Variants in LENG8 observed in about 807,000 individuals in gnomAD.
LENG8 encodes leukocyte receptor cluster member 8.
In LENG8, 28 loss-of-function variants were observed where a neutral mutation model predicts 102.1. That is an observed-to-expected ratio of 0.27 (90% CI 0.20 to 0.38). The LOEUF (loss-of-function observed/expected upper bound fraction) is 0.38, where lower values mean the gene tolerates loss of function less well. Ranked by LOEUF, LENG8 falls within the 10% of genes least tolerant of loss-of-function variation. LENG8 has a pLI of 1.00. For synonymous variants in LENG8, 531 were observed against 456.7 expected (o/e 1.16, Z -2.07); for missense variants, 1,022 against 1,113.9 (o/e 0.92, Z 1.17).
intron 15 of LENG8, chr19:54,460,289 C>T (rs2084463469): frequency 1.6e-6 from 2 of 1,260,600 alleles, no homozygotes; most frequent in Admixed American, 2.4e-5. Flanking sequence ...TGTGTTTTAG[C>T]AGCAGCCGGA....
rs534748593 is a variant in LENG8, at chr19:54,457,848, G to A, written c.1833G>A (p.Thr611=). 2.0e-5 allele frequency: 33 copies of A among 1,613,848 alleles called. No individual in the cohort carries two copies. The East Asian group carries it at 5.8e-4, about 28-fold the overall frequency. Reference sequence around the variant, plus strand: ...TGAAGTCGATCCGGCAGGATCTGACGGTGAGACTCGCGCTGGGAGGGGCCT... The same window carrying A: ...TGAAGTCGATCCGGCAGGATCTGACAGTGAGACTCGCGCTGGGAGGGGCCT... ...EQMKSIRQDL[T]VQGIRTEFTV... is the part of the protein sequence containing the mutation. The change falls in exon 12 of 16, where the codon ACG becomes ACA. Residue 611 remains threonine (T), a splice_region_variant and synonymous_variant. Coordinates refer to ENST00000326764, the MANE Select transcript of LENG8 (RefSeq NM_052925.4).
rs549156913 is a variant in LENG8 at position 54,461,453 on chromosome 19, A to G, written c.*525A>G. 2 of 461,514 alleles carry G rather than the reference A, an allele frequency of 4.3e-6. No homozygotes were observed. Among genetic ancestry groups the G allele is most frequent in the Non-Finnish European group, 8.8e-6 (2 of 226,758 alleles). 28.6% of individuals were successfully genotyped at this position (461,514 alleles called of 1,614,324 possible). A position where few individuals can be genotyped will look rare whatever the true frequency, so the allele number is the denominator to read the frequency against. On this transcript the variant is annotated 3_prime_UTR_variant, in exon 16 of 16. Coordinates refer to ENST00000326764, the MANE Select transcript of LENG8 (RefSeq NM_052925.4). The stretch of plus-strand genomic sequence containing the variant: ...CGTGTTTGGGGTGGGGGAGCTGCTT[A>G]GAGACTGTGCCCGTCCTCGGCCCCC...
At chr19:54,460,590 C>CA in intron 15 of LENG8, 176 bp from the exon 16 acceptor site, 1 of 1,414,626 alleles carries the variant, frequency 7.1e-7, no homozygotes, top group Non-Finnish European at 9.2e-7. Context: ...CACTAACCCC[C>CA]CCCGGGCCCC....
intron 15 of LENG8, 48 bp from the exon 16 acceptor site, chr19:54,460,718 T>TTGGG: frequency 1.2e-5 from 13 of 1,047,892 alleles, no homozygotes; most frequent in East Asian, 4.2e-5. Flanking sequence ...GGCCCTCCCC[T>TTGGG]GCCCTCCCGC....
At chr19:54,457,302 G>A (rs1430976034) in intron 11 of LENG8, among the ~76,000 whole-genome samples, 14 of 152,244 alleles carry the variant, frequency 9.2e-5, no homozygotes, top group Admixed American at 1.3e-4. Flanking sequence ...ATAGGGAAAT[G>A]GGTGTGGAGG....
At chr19:54,460,223 G>A (rs915043445) in intron 15 of LENG8, 3 of 1,288,720 alleles carry the variant, frequency 2.3e-6, no homozygotes, top group Non-Finnish European at 3.0e-6. Context: ...GCACCCTGTG[G>A]AAGAGGGTTC....
In LENG8 at chr19:54,460,968, C is replaced by G. The variant is rs576521045; in HGVS notation, c.*40C>G. The G allele has an allele frequency of 9.9e-5, 152 of 1,537,294 alleles. No individual in the cohort carries two copies. In the Middle Eastern group the frequency reaches 1.7e-3, roughly 18 times the overall value. On this transcript the variant is annotated 3_prime_UTR_variant, in exon 16 of 16. Transcript: ENST00000326764. ...GGGGCGGGGGCAGGGGCTGCAGCCC[C>G]CAGCGCTGCCTTTGCGGATTCTGTT...
Position 54,461,052 on chromosome 19 carries a change from C to A in LENG8, c.*124C>A. On this transcript the variant is annotated 3_prime_UTR_variant, in exon 16 of 16. Coordinates refer to ENST00000326764, the MANE Select transcript of LENG8 (RefSeq NM_052925.4). ...GTGGGGAGTGCGCTCCAGGAAGAGCCACCATCCCTGCCCCCGTTTTCCCAC... is the reference window on the plus strand; with the variant it reads ...GTGGGGAGTGCGCTCCAGGAAGAGCAACCATCCCTGCCCCCGTTTTCCCAC... 1 of 1,380,252 alleles carries A rather than the reference C, an allele frequency of 7.2e-7. No homozygotes were observed. The highest frequency in any genetic ancestry group is 9.9e-7 in the Non-Finnish European group (1 of 1,013,646). The allele number at this position is 1,380,252 out of a possible 1,614,324, so 85.5% of individuals were successfully genotyped here.
chr19:54,456,895 G>A lies in LENG8; in HGVS notation c.1705G>A (p.Asp569Asn), dbSNP rs1347562281. 4.4e-6 allele frequency: 7 copies of A among 1,608,576 alleles called. No individual in the cohort carries two copies. The highest frequency in any genetic ancestry group is 5.9e-6 in the Non-Finnish European group (7 of 1,179,742). ...CTACCTGCGCCTCACCTGTGCCCCC[G>A]ACCCGTCCACCGTGCGCCCTGTGGC... ...KHYLRLTCAP[D>N]PSTVRPVAVL... The change falls in exon 11 of 16, where the codon GAC becomes AAC. Residue 569 changes from aspartate to asparagine, a missense_variant. This residue lies in a region of LENG8 where 158 missense variants were observed against 229.0 expected (regional missense o/e 0.69). Transcript: ENST00000326764.
At chr19:54,455,239 C>T in intron 7 of LENG8, 125 bp from the exon 8 acceptor site, 1 of 1,477,132 alleles carries the variant, frequency 6.8e-7, no homozygotes, top group East Asian at 2.3e-5. Flanking sequence ...TTGCTGTGAG[C>T]ACTGAAGGAG....
Position 54,461,058 on chromosome 19 carries a change from C to T in LENG8, c.*130C>T. On this transcript the variant is annotated 3_prime_UTR_variant, in exon 16 of 16. Transcript: ENST00000326764. ...AGTGCGCTCCAGGAAGAGCCACCAT[C>T]CCTGCCCCCGTTTTCCCACCGGGGA... is the stretch of plus-strand genomic sequence containing the variant. The T allele has an allele frequency of 7.4e-7, 1 of 1,350,450 alleles. No individual in the cohort carries two copies. The highest frequency in any genetic ancestry group is 2.1e-5 in the Admixed American group (1 of 47,322). The allele number at this position is 1,350,450 out of a possible 1,614,324, so 83.7% of individuals were successfully genotyped here. A position where few individuals can be genotyped will look rare whatever the true frequency, so the allele number is the denominator to read the frequency against.
In LENG8 at chr19:54,451,353, C is replaced by T. The variant is rs774949239; in HGVS notation, c.9C>T (p.Ala3=). 14 of 1,614,212 alleles carry T rather than the reference C, an allele frequency of 8.7e-6. No homozygotes were observed. The highest frequency in any genetic ancestry group is 1.3e-5 in the African/African-American group (1 of 75,054). MA[A]NVGDQRSTDW... Reference sequence around the variant, plus strand: ...TATACCCCAAGGTCCAGATGGCGGCCAACGTGGGTGATCAACGTAGCACAG... The same window carrying T: ...TATACCCCAAGGTCCAGATGGCGGCTAACGTGGGTGATCAACGTAGCACAG... The change falls in exon 2 of 16, where the codon GCC becomes GCT. Residue 3 remains alanine, a synonymous_variant. Coordinates refer to ENST00000326764, the MANE Select transcript of LENG8 (RefSeq NM_052925.4).
In LENG8 at chr19:54,460,596, G is replaced by GC. The variant is rs930190264; in HGVS notation, c.2241-162dup. The GC allele has an allele frequency of 6.5e-4, 905 of 1,385,472 alleles. 3 individuals are homozygous for GC. Among genetic ancestry groups the GC allele is most frequent in the South Asian group, 4.9e-3 (315 of 64,836 alleles). 85.8% of individuals were successfully genotyped at this position (1,385,472 alleles called of 1,614,324 possible). Reference sequence around the variant, plus strand: ...GACTGGGGTCACTAACCCCCCCCGGGCCCCCCCCGAGCCCCTGAGGTGGGG... The same window carrying GC: ...GACTGGGGTCACTAACCCCCCCCGGGCCCCCCCCCGAGCCCCTGAGGTGGGG... On this transcript the variant is annotated intron_variant, in intron 15 of 15. Coordinates refer to ENST00000326764, the MANE Select transcript of LENG8 (RefSeq NM_052925.4).
At chr19:54,457,616 C>T (rs957758693) in intron 11 of LENG8, 131 bp from the exon 12 acceptor site, 20 of 707,204 alleles carry the variant, frequency 2.8e-5, no homozygotes, top group Admixed American at 2.1e-5. Context: ...GCTGGGATTA[C>T]AGGCGTGAGC....
chr19:54,461,197 C>T lies in LENG8; in HGVS notation c.*269C>T, dbSNP rs1287128486. 10 of 671,130 alleles carry T rather than the reference C, an allele frequency of 1.5e-5. No homozygotes were observed. The highest frequency in any genetic ancestry group is 9.0e-5 in the South Asian group (6 of 66,358). 41.6% of individuals were successfully genotyped at this position (671,130 alleles called of 1,614,324 possible). On this transcript the variant is annotated 3_prime_UTR_variant, in exon 16 of 16. Coordinates refer to ENST00000326764, the MANE Select transcript of LENG8 (RefSeq NM_052925.4). ...CATGGTCTGCAGGCTCATCTGTGTCCGCCTTTCACTCCACTAATGCTGTCT... is the reference window on the plus strand; with the variant it reads ...CATGGTCTGCAGGCTCATCTGTGTCTGCCTTTCACTCCACTAATGCTGTCT...
Position 54,454,703 on chromosome 19 carries a change from G to T in LENG8, c.679+21G>T, listed in dbSNP as rs767546850. 5.1e-6 allele frequency: 8 copies of T among 1,574,700 alleles called. No individual in the cohort carries two copies. The African/African-American group carries it at 8.1e-5, about 16-fold the overall frequency. The stretch of plus-strand genomic sequence containing the variant: ...GAAACGTAAGTTGGCAGAGCTACGT[G>T]GAGGTCCGAGCGGTTGGGCCCTCAT... On this transcript the variant is annotated intron_variant, in intron 6 of 15. Coordinates refer to ENST00000326764, the MANE Select transcript of LENG8 (RefSeq NM_052925.4).
At position 54,460,950 on chromosome 19, in the gene LENG8, G is replaced by C. The variant is rs1217624859; in HGVS notation, c.*22G>C. 1 of 1,540,396 alleles carries C rather than the reference G, an allele frequency of 6.5e-7. No individual in the cohort carries two copies. ...CTGAGCACCCAGCGAGGAGGGGCGGGGGCAGGGGCTGCAGCCCCCAGCGCT... is the reference window on the plus strand; with the variant it reads ...CTGAGCACCCAGCGAGGAGGGGCGGCGGCAGGGGCTGCAGCCCCCAGCGCT... On this transcript the variant is annotated 3_prime_UTR_variant, in exon 16 of 16. Transcript: ENST00000326764.
At chr19:54,460,719 G>GGGGCCGC in intron 15 of LENG8, 47 bp from the exon 16 acceptor site, 1 of 778,918 alleles carries the variant, frequency 1.3e-6, no homozygotes, top group Non-Finnish European at 1.8e-6. Flanking sequence ...GCCCTCCCCT[G>GGGGCCGC]CCCTCCCGCC....
rs577399483 is a variant in LENG8 at position 54,456,099 on chromosome 19, G to A, written c.1158G>A (p.Gly386=). Residue 386 remains glycine, a synonymous_variant, in exon 9 of 16, where the codon GGG becomes GGA. Transcript: ENST00000326764. ...CCCCGTCCCAGCGAGGGACGCCCGG[G>A]GCTGGGGGTGCCGGTCGAGCCCGGG... The part of the protein sequence containing the change: ...GGAPSQRGTP[G]AGGAGRARGN... The A allele has an allele frequency of 6.3e-5, 101 of 1,609,766 alleles. No individual in the cohort carries two copies. The highest frequency in any genetic ancestry group is 8.2e-5 in the Non-Finnish European group (97 of 1,177,264).
Sources: allele counts gnomAD v4.1 joint callset (sites outside exome capture counted in the v4.1 genomes callset), GRCh38; gene constraint gnomAD v4.1.1; regional missense constraint gnomAD v4.1.1; transcripts MANE v1.5; gene names NCBI Gene and HGNC (gene_info 2026-07-23, HGNC 2026-07-21).